Variants in MYL1 observed in about 807,000 individuals in gnomAD.
MYL1 encodes the protein myosin light chain 1.
A neutral mutation model predicts 21.8 loss-of-function variants in MYL1; 16 were observed. The observed-to-expected ratio is 0.74, with a 90% confidence interval of 0.50 to 1.12. The LOEUF is 1.12. Among genes scored for constraint, MYL1 ranks in the 50% most tolerant of loss-of-function variants. The pLI, the probability that MYL1 is intolerant of heterozygous loss-of-function variation, is 0.00. For synonymous variants in MYL1, 99 were observed against 85.2 expected, an observed-to-expected ratio of 1.16 and a Z score of -0.89; for missense variants, 246 against 241.0, an observed-to-expected ratio of 1.02 and a Z score of -0.14.
rs192577996 is a variant in MYL1, at chr2:210,302,444, C to G, written c.160+44G>C. ...GGGAGTTGGTTTTCACACATGCCAT[C>G]TTTATGAGTGTGCACATTTAAGAAC... is the stretch of plus-strand genomic sequence containing the variant. On this transcript the variant is annotated intron_variant, in intron 2 of 6. Transcript: ENST00000352451. The G allele has an allele frequency of 7.7e-4, 1,223 of 1,580,326 alleles. 16 individuals carry two copies. Among genetic ancestry groups the G allele is most frequent in the Middle Eastern group, 1.7e-4 (1 of 5,888 alleles).
chr2:210,307,434 C>A (rs1164071268), intron 1 of MYL1, among the ~76,000 whole-genome samples: 1 of 152,158 alleles, frequency 6.6e-6, no homozygotes, highest in African/African-American at 2.4e-5. Context: ...ATGTTGTGTA[C>A]CCTGAGGGAA....
chr2:210,293,360 G>A (rs183833503), intron 5 of MYL1, among the ~76,000 whole-genome samples: 16 of 152,214 alleles, frequency 1.1e-4, no homozygotes, highest in Admixed American at 3.9e-4. Flanking sequence ...TATTTGGCCC[G>A]AAGTTTCATT....
chr2:210,300,981 A>G (rs1575704578), intron 2 of MYL1, among the ~76,000 whole-genome samples: 1 of 152,158 alleles, frequency 6.6e-6, no homozygotes, highest in East Asian at 1.9e-4. Flanking sequence ...ACAGTATACT[A>G]CACCCATGTT....
At position 210,302,456 on chromosome 2, in the gene MYL1, G is replaced by A. The variant is rs760842863; in HGVS notation, c.160+32C>T. On this transcript the variant is annotated intron_variant, in intron 2 of 6. Coordinates refer to ENST00000352451, the MANE Select transcript of MYL1 (RefSeq NM_079420.3). ...TCACACATGCCATCTTTATGAGTGT[G>A]CACATTTAAGAACCATAGCTTTTAA... is the stretch of plus-strand genomic sequence containing the variant. The A allele has an allele frequency of 3.1e-6, 5 of 1,594,926 alleles. No homozygotes were observed. In the East Asian group the frequency reaches 6.7e-5, roughly 21 times the overall value.
chr2:210,304,505 T>TTG (rs1690310535), intron 1 of MYL1, among the ~76,000 whole-genome samples: 1 of 152,188 alleles, frequency 6.6e-6, no homozygotes, highest in African/African-American at 2.4e-5. Flanking sequence ...GCCAAAAGAA[T>TTG]GCATGGCAGA....
intron 1 of MYL1, among the ~76,000 whole-genome samples, chr2:210,304,728 G>A (rs1310854339): frequency 6.6e-6 from 1 of 152,142 alleles, no homozygotes; most frequent in Non-Finnish European, 1.5e-5. Context: ...TTGACTTTTT[G>A]TAGATACAGG....
At chr2:210,295,478 A>G (rs1690159552) in intron 3 of MYL1, among the ~76,000 whole-genome samples, 1 of 151,942 alleles carries the variant, frequency 6.6e-6, no homozygotes, top group Admixed American at 6.6e-5. Flanking sequence ...TACAAAAAAA[A>G]CAAAAACAAA....
intron 4 of MYL1, 95 bp from the exon 5 acceptor site, chr2:210,293,895 C>CT (rs1459902821): frequency 7.5e-6 from 8 of 1,060,638 alleles, no homozygotes; most frequent in Non-Finnish European, 1.2e-5. Context: ...AGACTAAACT[C>CT]TTGACATATA....
intron 1 of MYL1, among the ~76,000 whole-genome samples, chr2:210,308,145 T>A (rs1690365597): frequency 6.6e-6 from 1 of 151,858 alleles, no homozygotes; most frequent in Non-Finnish European, 1.5e-5. Context: ...AGGGCCAGTT[T>A]TCAATCAAAG....
chr2:210,292,186 A>G (rs1199236244), intron 5 of MYL1, among the ~76,000 whole-genome samples: 2 of 152,166 alleles, frequency 1.3e-5, no homozygotes, highest in African/African-American at 4.8e-5. Context: ...CTCGTGCCTC[A>G]GCCTTCTGAG....
chr2:210,295,806 C>G (rs966219001), intron 3 of MYL1, among the ~76,000 whole-genome samples: 1 of 133,926 alleles, frequency 7.5e-6, no homozygotes, highest in Non-Finnish European at 1.6e-5. Context: ...ACCTGGGTGA[C>G]AGAGTGAGAC....
intron 3 of MYL1, among the ~76,000 whole-genome samples, chr2:210,296,111 A>T (rs1690171071): frequency 1.3e-5 from 2 of 152,180 alleles, no homozygotes. Context: ...CAGCCTGAAT[A>T]TCTACTTGAA....
intron 1 of MYL1, among the ~76,000 whole-genome samples, chr2:210,310,377 G>A (rs1427998760): frequency 2.0e-5 from 3 of 151,966 alleles, no homozygotes; most frequent in Admixed American, 1.3e-4. Context: ...TATAGGTTGG[G>A]ATTTCCAGTT....
At chr2:210,313,969 C>T (rs1690453600) in intron 1 of MYL1, among the ~76,000 whole-genome samples, 1 of 151,948 alleles carries the variant, frequency 6.6e-6, no homozygotes, top group South Asian at 2.1e-4. Context: ...AGGCAGGTTT[C>T]CTTAGATAAA....
intron 5 of MYL1, among the ~76,000 whole-genome samples, chr2:210,291,598 G>A (rs959357018): frequency 6.6e-6 from 1 of 152,004 alleles, no homozygotes; most frequent in South Asian, 2.1e-4. Context: ...CACAAAAAAT[G>A]GCATACTCTA....
chr2:210,306,485 T>G (rs1169891359), intron 1 of MYL1, among the ~76,000 whole-genome samples: 2 of 152,198 alleles, frequency 1.3e-5, no homozygotes, highest in Non-Finnish European at 2.9e-5. Context: ...TTAAGTGGTA[T>G]GCAGTTGTTA....
chr2:210,302,363 A>G (rs1690276824), intron 2 of MYL1, 125 bp downstream of exon 2: 2 of 790,568 alleles, frequency 2.5e-6, no homozygotes, highest in Non-Finnish European at 3.8e-6. Flanking sequence ...AGAGCAATTT[A>G]TATTCAGAAT....
intron 1 of MYL1, among the ~76,000 whole-genome samples, chr2:210,307,199 G>C (rs1252174167): frequency 6.6e-6 from 1 of 152,120 alleles, no homozygotes; most frequent in Non-Finnish European, 1.5e-5. Context: ...GGAAGCGTAG[G>C]CCATTCCCGA....
At chr2:210,302,015 A>G (rs1443523697) in intron 2 of MYL1, among the ~76,000 whole-genome samples, 1 of 151,980 alleles carries the variant, frequency 6.6e-6, no homozygotes, top group Non-Finnish European at 1.5e-5. Context: ...TTGTTTCTGA[A>G]TTCATTTTTG....
Sources: allele counts gnomAD v4.1 joint callset (sites outside exome capture counted in the v4.1 genomes callset), GRCh38; gene constraint gnomAD v4.1.1; transcripts MANE v1.5; gene names NCBI Gene and HGNC (gene_info 2026-07-23, HGNC 2026-07-21).